Variants in CC2D2A observed in about 807,000 individuals in gnomAD.
CC2D2A encodes the protein coiled-coil and C2 domain containing 2A, also known as coiled-coil and C2 domain-containing protein 2A.
A neutral mutation model predicts 212.9 loss-of-function variants in CC2D2A; 155 were observed. That is an observed-to-expected ratio of 0.73 (90% CI 0.64 to 0.83). The LOEUF (loss-of-function observed/expected upper bound fraction) is 0.83. Ranked by LOEUF, CC2D2A falls within the 40% of genes least tolerant of loss-of-function variation. The pLI, the probability that CC2D2A is intolerant of heterozygous loss-of-function variation, is 0.00. For synonymous variants in CC2D2A, 667 were observed against 686.5 expected (o/e 0.97, Z 0.44); for missense variants, 1,856 against 1,956.2 (o/e 0.95, Z 0.97).
At chr4:15,573,010 T>C (rs554620260) in intron 28 of CC2D2A, among the ~76,000 whole-genome samples, 1 of 152,278 alleles carries the variant, frequency 6.6e-6, no homozygotes, top group South Asian at 2.1e-4. Flanking sequence ...TTCTGCCTGC[T>C]CTTCTCCTAG....
At chr4:15,536,147 A>G (rs1438753538) in intron 14 of CC2D2A, among the ~76,000 whole-genome samples, 1 of 152,116 alleles carries the variant, frequency 6.6e-6, no homozygotes, top group Admixed American at 6.5e-5. Flanking sequence ...GAAAAACCCA[A>G]ATCCTCCATC....
intron 11 of CC2D2A, among the ~76,000 whole-genome samples, chr4:15,522,398 G>T (rs1160170216): frequency 1.3e-5 from 2 of 152,042 alleles, no homozygotes; most frequent in Non-Finnish European, 2.9e-5. Flanking sequence ...TTGTTCTTTG[G>T]TTAGAAATAC....
intron 17 of CC2D2A, chr4:15,544,053 G>A (rs1195433313): frequency 1.3e-5 from 2 of 152,204 alleles, no homozygotes; most frequent in East Asian, 1.9e-4. Context: ...TGAATGCCTT[G>A]CTAGGGAGAG....
intron 10 of CC2D2A, 77 bp from the exon 11 acceptor site, chr4:15,516,548 G>C (rs1163866315): frequency 2.0e-5 from 28 of 1,405,976 alleles, no homozygotes; most frequent in Non-Finnish European, 5.8e-6. Flanking sequence ...GAATTTTCAA[G>C]AAATGTTGTT....
intron 6 of CC2D2A, among the ~76,000 whole-genome samples, chr4:15,509,546 G>GT (rs1262451771): frequency 1.3e-5 from 2 of 152,246 alleles, no homozygotes; most frequent in Non-Finnish European, 2.9e-5. Context: ...AGTGCTGGGA[G>GT]TTCAAGCATG....
intron 4 of CC2D2A, 65 bp downstream of exon 4, chr4:15,480,892 A>T: frequency 6.5e-7 from 1 of 1,539,564 alleles, no homozygotes; most frequent in Non-Finnish European, 8.8e-7. Flanking sequence ...AGCACAGAGC[A>T]GTATAGGGAT....
At position 15,559,226 on chromosome 4, in the gene CC2D2A, A is replaced by G. The variant is rs1273769297; in HGVS notation, c.2891A>G (p.His964Arg). 2 of 1,553,756 alleles carry G rather than the reference A, an allele frequency of 1.3e-6. No homozygotes were observed. Among genetic ancestry groups the G allele is most frequent in the Non-Finnish European group, 1.7e-6 (2 of 1,148,068 alleles). The change falls in exon 22 of 37, where the codon CAT (histidine) becomes CGT (arginine). Residue 964 changes from histidine to arginine, a missense_variant. Physicochemically the swap from His to Arg is conservative, Grantham distance 29. Coordinates refer to ENST00000424120, the MANE Select transcript of CC2D2A (RefSeq NM_001378615.1). ...GAAACCAAGGAACACATAGACACCC[A>G]TAGGGCCATAGTAGCCAAGTACCTC... is the stretch of plus-strand genomic sequence containing the variant. ...VIETKEHIDT[H>R]RAIVAKYLQQ...
chr4:15,484,642 C>T (rs891657913), intron 4 of CC2D2A, among the ~76,000 whole-genome samples: 3 of 151,968 alleles, frequency 2.0e-5, no homozygotes, highest in Non-Finnish European at 2.9e-5. Context: ...GTATATTTCT[C>T]GATTGAACAA....
chr4:15,539,853 T>TA (rs758882543), intron 16 of CC2D2A, among the ~76,000 whole-genome samples: 2 of 152,158 alleles, frequency 1.3e-5, no homozygotes, highest in Non-Finnish European at 2.9e-5. Flanking sequence ...TGTCCTTTAT[T>TA]AAAAAAATGC....
At chr4:15,569,935 C>G (rs573423368) in intron 27 of CC2D2A, among the ~76,000 whole-genome samples, 1 of 152,166 alleles carries the variant, frequency 6.6e-6, no homozygotes, top group African/African-American at 2.4e-5. Flanking sequence ...CAGCAAGTCC[C>G]AGCCTCATGT....
chr4:15,555,170 C>G lies in CC2D2A; in HGVS notation c.2585C>G (p.Pro862Arg). 6.2e-7 allele frequency: 1 copy of G among 1,613,828 alleles called. No individual in the cohort carries two copies. The highest frequency in any genetic ancestry group is 1.1e-5 in the South Asian group (1 of 91,052). ...TGGGCAGCAGAGTCCAAGCTCGACC[C>G]AAATGACCCCAACAATGCCCCTTTG... ...AKWAAESKLD[P>R]NDPNNAPLMQ... Residue 862 changes from proline (P) to arginine (R), a missense_variant, in exon 20 of 37, where the codon CCA becomes CGA. Pro to Arg is a moderately radical substitution (Grantham distance 103). Coordinates refer to ENST00000424120, the MANE Select transcript of CC2D2A (RefSeq NM_001378615.1).
chr4:15,548,082 T>C (rs1718801940), intron 17 of CC2D2A, among the ~76,000 whole-genome samples: 1 of 150,624 alleles, frequency 6.6e-6, no homozygotes, highest in Non-Finnish European at 1.5e-5. Flanking sequence ...ACTTCTGCTA[T>C]CTTAAGAGAG....
At chr4:15,472,706 C>T (rs1414435632) in intron 1 of CC2D2A, among the ~76,000 whole-genome samples, 1 of 148,446 alleles carries the variant, frequency 6.7e-6, no homozygotes, top group African/African-American at 2.5e-5. Context: ...CTCTCATGTA[C>T]TTTTGCATTT....
At chr4:15,540,163 T>G (rs1577359907) in intron 16 of CC2D2A, among the ~76,000 whole-genome samples, 1 of 152,222 alleles carries the variant, frequency 6.6e-6, no homozygotes. Context: ...GTTTCAAATT[T>G]TGATGCCCTA....
chr4:15,599,756 TTGGAAATTAGCCAATA>T, intron 36 of CC2D2A, 50 bp downstream of exon 36: 1 of 1,416,142 alleles, frequency 7.1e-7, no homozygotes, highest in Non-Finnish European at 9.6e-7. Flanking sequence ...TTGTTTCAAA[TTGGAAATTAGCCAATA>T]ATAGGTTTCT....
At chr4:15,558,056 C>G (rs938128576) in intron 21 of CC2D2A, among the ~76,000 whole-genome samples, 1 of 152,110 alleles carries the variant, frequency 6.6e-6, no homozygotes, top group Non-Finnish European at 1.5e-5. Context: ...GAGGGCAGAT[C>G]GCACCTCCAG....
At chr4:15,552,665 C>G (rs931254031) in intron 18 of CC2D2A, among the ~76,000 whole-genome samples, 11 of 152,168 alleles carry the variant, frequency 7.2e-5, no homozygotes, top group African/African-American at 2.7e-4. Context: ...CCCATGAGAT[C>G]AGAAGTTCTT....
rs530437020 is a variant in CC2D2A at position 15,529,280 on chromosome 4, G to A, written c.1466+554G>A. On this transcript the variant is annotated intron_variant, in intron 13 of 36. Coordinates refer to ENST00000424120, the MANE Select transcript of CC2D2A (RefSeq NM_001378615.1). ...GCATGTAGTCCCAACTACTCGGAAG[G>A]CTGAGGAAGGAGGATCGCTTGAGCC... 4.1e-4 allele frequency among the ~76,000 whole-genome samples: 62 copies of A among 152,144 alleles called. 1 individual carries two copies. Among genetic ancestry groups the A allele is most frequent in the African/African-American group, 1.3e-3 (54 of 41,518 alleles).
chr4:15,528,875 A>C, intron 13 of CC2D2A, 149 bp downstream of exon 13: 1 of 596,868 alleles, frequency 1.7e-6, no homozygotes. Flanking sequence ...TCATATTAAC[A>C]CAGTATTTGA....
Sources: gnomAD v4.1 joint callset for allele counts (sites outside exome capture counted in the v4.1 genomes callset) on GRCh38, gnomAD v4.1.1 for gene constraint, MANE v1.5 for transcripts, NCBI Gene and HGNC (gene_info 2026-07-23, HGNC 2026-07-21) for gene names.